Variants in UEVLD observed in about 807,000 individuals in gnomAD.
UEVLD encodes the protein UEV and lactate/malate dehyrogenase domains.
A neutral mutation model predicts 58.6 loss-of-function variants in UEVLD; 47 were observed. That is an observed-to-expected ratio of 0.80 (90% CI 0.63 to 1.02). The LOEUF is 1.02. Ranked by LOEUF, UEVLD falls within the 50% of genes least tolerant of loss-of-function variation. The pLI is 0.00. For missense variants in UEVLD, 510 were observed against 550.6 expected (o/e 0.93, Z 0.74); for synonymous variants, 197 against 195.3 (o/e 1.01, Z -0.07).
Position 18,572,746 on chromosome 11 carries a change from G to A in UEVLD, c.194-2369C>T, listed in dbSNP as rs1177748404. Among the ~76,000 whole-genome samples, 3 of 150,790 alleles carry A rather than the reference G, an allele frequency of 2.0e-5. No individual in the cohort carries two copies. The South Asian group carries it at 6.3e-4, about 32-fold the overall frequency. On this transcript the variant is annotated intron_variant, in intron 3 of 11. Transcript: ENST00000396197. Reference sequence around the variant, plus strand: ...TTGAACCTGGGAGGTGGAGGTTGCAGTGAGCTGAGATCATACCATTGCACT... The same window carrying A: ...TTGAACCTGGGAGGTGGAGGTTGCAATGAGCTGAGATCATACCATTGCACT...
intron 9 of UEVLD, among the ~76,000 whole-genome samples, chr11:18,542,134 GAATTA>G (rs542807337): frequency 8.1e-4 from 123 of 152,178 alleles, no homozygotes; most frequent in Non-Finnish European, 1.5e-3. Context: ...TAGGAAGATT[GAATTA>G]ATATGTGAGA....
intron 7 of UEVLD, among the ~76,000 whole-genome samples, chr11:18,548,686 C>T (rs1031241807): frequency 6.6e-6 from 1 of 152,198 alleles, no homozygotes; most frequent in Non-Finnish European, 1.5e-5. Flanking sequence ...CTCGGCCTCC[C>T]AAAGTGCTGG....
intron 8 of UEVLD, 32 bp downstream of exon 8, chr11:18,546,848 C>T: frequency 1.2e-6 from 2 of 1,608,562 alleles, no homozygotes; most frequent in East Asian, 4.5e-5. Context: ...ATGTACTGGA[C>T]CATCAACTTA....
chr11:18,570,015 G>T, intron 4 of UEVLD, 199 bp downstream of exon 4: 1 of 470,186 alleles, frequency 2.1e-6, no homozygotes, highest in Non-Finnish European at 3.5e-6. Context: ...GGAGGGAGCA[G>T]CTTTGTACAG....
chr11:18,537,302 A>T (rs184379696), intron 9 of UEVLD, among the ~76,000 whole-genome samples: 1 of 140,032 alleles, frequency 7.1e-6, no homozygotes, highest in East Asian at 2.2e-4. Context: ...CACAGACTGG[A>T]AATTTCTTTA....
intron 6 of UEVLD, among the ~76,000 whole-genome samples, chr11:18,560,381 T>A (rs1851980069): frequency 6.6e-6 from 1 of 152,286 alleles, no homozygotes; most frequent in East Asian, 1.9e-4. Flanking sequence ...TCCAAAAGTT[T>A]AGCAGTAGTT....
At chr11:18,551,568 T>C (rs1040775194) in intron 7 of UEVLD, among the ~76,000 whole-genome samples, 1 of 152,284 alleles carries the variant, frequency 6.6e-6, no homozygotes, top group Non-Finnish European at 1.5e-5. Context: ...CCCTACTCTA[T>C]ATATCACACA....
chr11:18,588,637 C>G lies in UEVLD; in HGVS notation c.18G>C (p.Glu6Asp). 6.2e-7 allele frequency: 1 copy of G among 1,610,200 alleles called. No homozygotes were observed. The highest frequency in any genetic ancestry group is 8.5e-7 in the Non-Finnish European group (1 of 1,179,860). ...CCTTGCCAAGCAGCCGTCTCAGGCC[C>G]TCGCAGTCGAACTCCATCTCCAGGC... MEFDC[E>D]GLRRLLGKYK... The change falls in exon 1 of 12, where the codon GAG becomes GAC. Residue 6 changes from glutamate (E) to aspartate (D), a missense_variant. Coordinates refer to ENST00000396197, the MANE Select transcript of UEVLD (RefSeq NM_001040697.4).
chr11:18,587,108 C>T (rs922218804), intron 1 of UEVLD, among the ~76,000 whole-genome samples: 5 of 152,084 alleles, frequency 3.3e-5, no homozygotes, highest in African/African-American at 1.2e-4. Context: ...AAAAAAAAAT[C>T]CTCTACTATT....
chr11:18,546,995 A>G lies in UEVLD; in HGVS notation c.771T>C (p.Gly257=), dbSNP rs34242612. 1.2e-6 allele frequency: 2 copies of G among 1,614,066 alleles called. No individual in the cohort carries two copies. Among genetic ancestry groups the G allele is most frequent in the Non-Finnish European group, 1.7e-6 (2 of 1,180,008 alleles). Residue 257 remains glycine (G), a synonymous_variant, in exon 8 of 12, where the codon GGT becomes GGC. Coordinates refer to ENST00000396197, the MANE Select transcript of UEVLD (RefSeq NM_001040697.4). ...KVVIFTVNSL[G]SSQSYLDVVQ... Reference sequence around the variant, plus strand: ...CCACATCAAGGTACGACTGAGAACTACCCAAAGAGTTGACTGTGAAGATCA... The same window carrying G: ...CCACATCAAGGTACGACTGAGAACTGCCCAAAGAGTTGACTGTGAAGATCA...
rs570439436 is a variant in UEVLD at position 18,584,866 on chromosome 11, C to T, written c.42+3747G>A. Among the ~76,000 whole-genome samples, 8 of 152,192 alleles carry T rather than the reference C, an allele frequency of 5.3e-5. No individual in the cohort carries two copies. The East Asian group carries it at 1.2e-3, about 22-fold the overall frequency. ...CAGGCTGGTCTTGAATTCCTGACCT[C>T]GTGATCTGCATGCCTCAGCCTCCTA... is the stretch of plus-strand genomic sequence containing the variant. On this transcript the variant is annotated intron_variant, in intron 1 of 11. Transcript: ENST00000396197.
In UEVLD at chr11:18,531,672, G is replaced by A. The variant is rs1268024724; in HGVS notation, c.*648C>T. The A allele has an allele frequency of 6.6e-6, 1 of 152,132 alleles. No homozygotes were observed. Among genetic ancestry groups the A allele is most frequent in the East Asian group, 1.9e-4 (1 of 5,204 alleles). The allele number at this position is 152,132 out of a possible 1,614,324, so 9.4% of individuals were successfully genotyped here. A position where few individuals can be genotyped will look rare whatever the true frequency, so the allele number is the denominator to read the frequency against. On this transcript the variant is annotated 3_prime_UTR_variant, in exon 12 of 12. Coordinates refer to ENST00000396197, the MANE Select transcript of UEVLD (RefSeq NM_001040697.4). ...TGTAATACTCCAGGAAGAGGTTATG[G>A]AAAATTTCATAAAGGAAGTCCCACT...
chr11:18,561,831 CAA>C (rs567518058), intron 6 of UEVLD, among the ~76,000 whole-genome samples: 38 of 71,428 alleles, frequency 5.3e-4, no homozygotes, highest in East Asian at 8.2e-4. Flanking sequence ...GACTTCGTCT[CAA>C]AAAAAAAAAA....
intron 3 of UEVLD, 23 bp from the exon 4 acceptor site, chr11:18,570,400 A>G (rs1852540255): frequency 6.7e-7 from 1 of 1,499,196 alleles, no homozygotes; most frequent in Middle Eastern, 1.8e-4. Context: ...AAAGAAACAT[A>G]TCTTCAAACA....
chr11:18,560,212 CTTACT>C (rs1851973879), intron 6 of UEVLD, among the ~76,000 whole-genome samples: 1 of 151,486 alleles, frequency 6.6e-6, no homozygotes, highest in Admixed American at 6.6e-5. Context: ...TGAATTCGGC[CTTACT>C]TTATGAGGTT....
Position 18,561,064 on chromosome 11 carries a change from T to C in UEVLD, c.613-2734A>G, listed in dbSNP as rs1184238507. Among the ~76,000 whole-genome samples, 8 of 152,072 alleles carry C rather than the reference T, an allele frequency of 5.3e-5. No homozygotes were observed. In the South Asian group the frequency reaches 1.7e-3, roughly 32 times the overall value. Reference sequence around the variant, plus strand: ...TAGGTCTGGGAAGGGTCCTGGATTATGCATTGCTAGCAAGAACTCAGGTGG... The same window carrying C: ...TAGGTCTGGGAAGGGTCCTGGATTACGCATTGCTAGCAAGAACTCAGGTGG... On this transcript the variant is annotated intron_variant, in intron 6 of 11. Coordinates refer to ENST00000396197, the MANE Select transcript of UEVLD (RefSeq NM_001040697.4).
chr11:18,582,864 G>T (rs1015847232), intron 1 of UEVLD, among the ~76,000 whole-genome samples: 1 of 152,086 alleles, frequency 6.6e-6, no homozygotes, highest in Non-Finnish European at 1.5e-5. Context: ...CTGAAAAATT[G>T]AGTTTAATAA....
intron 7 of UEVLD, among the ~76,000 whole-genome samples, chr11:18,551,040 G>A (rs1251968007): frequency 1.3e-5 from 2 of 152,142 alleles, no homozygotes; most frequent in African/African-American, 2.4e-5. Flanking sequence ...TCCCTTACAA[G>A]TTGATGATTT....
At chr11:18,570,745 C>CAAAAAAAAAAA (rs559788859) in intron 3 of UEVLD, 2 of 67,760 alleles carry the variant, frequency 3.0e-5, no homozygotes, top group Non-Finnish European at 6.8e-5. Flanking sequence ...GACACTGTTT[C>CAAAAAAAAAAA]AAAAAAAAAA....
Sources: gnomAD v4.1 joint callset for allele counts (sites outside exome capture counted in the v4.1 genomes callset) on GRCh38, gnomAD v4.1.1 for gene constraint, MANE v1.5 for transcripts, NCBI Gene and HGNC (gene_info 2026-07-23, HGNC 2026-07-21) for gene names.